C5orf34: variants seen among roughly 807,000 people sequenced by gnomAD.
C5orf34 encodes uncharacterized protein C5orf34.
In C5orf34, 73 loss-of-function variants were observed where a neutral mutation model predicts 78.4. That is an observed-to-expected ratio of 0.93 (90% CI 0.77 to 1.13). C5orf34 has a LOEUF of 1.13. Ranked by LOEUF, C5orf34 falls within the 50% of genes most tolerant of loss-of-function variation. C5orf34 has a pLI of 0.00. For missense variants in C5orf34, 730 were observed against 732.7 expected (o/e 1.00, Z 0.04); for synonymous variants, 251 against 246.6 (o/e 1.02, Z -0.17).
intron 3 of C5orf34, among the ~76,000 whole-genome samples, chr5:43,507,464 C>T (rs1368181583): frequency 4.6e-5 from 7 of 152,182 alleles, no homozygotes; most frequent in African/African-American, 1.7e-4. Flanking sequence ...TAGAATTAGA[C>T]TATCTAATAA....
intron 6 of C5orf34, among the ~76,000 whole-genome samples, chr5:43,499,265 A>T (rs1745663930): frequency 6.6e-6 from 1 of 152,188 alleles, no homozygotes; most frequent in Non-Finnish European, 1.5e-5. Flanking sequence ...TTGTTCCCTT[A>T]GCTATATGCT....
At chr5:43,503,060 T>G (rs1254947939) in intron 5 of C5orf34, among the ~76,000 whole-genome samples, 1 of 152,210 alleles carries the variant, frequency 6.6e-6, no homozygotes, top group Non-Finnish European at 1.5e-5. Flanking sequence ...GGAATAGGTC[T>G]TCACATAGGA....
At chr5:43,496,997 G>A (rs1745557145) in intron 6 of C5orf34, among the ~76,000 whole-genome samples, 1 of 151,846 alleles carries the variant, frequency 6.6e-6, no homozygotes, top group Admixed American at 6.6e-5. Flanking sequence ...TTTCCCTTAA[G>A]ACAAAAAGAC....
chr5:43,494,618 A>T lies in C5orf34; in HGVS notation c.1153-17T>A. On this transcript the variant is annotated splice_polypyrimidine_tract_variant and intron_variant, in intron 6 of 12. Coordinates refer to ENST00000306862, the MANE Select transcript of C5orf34 (RefSeq NM_198566.4). ...CTCTTCTCTCTGAAAATTAGTTAAA[A>T]TGAAAAATTTCATTAATAATAAATT... is the stretch of plus-strand genomic sequence containing the variant. 1 of 1,510,494 alleles carries T rather than the reference A, an allele frequency of 6.6e-7. No individual in the cohort carries two copies. Among genetic ancestry groups the T allele is most frequent in the African/African-American group, 1.4e-5 (1 of 72,794 alleles). 93.6% of individuals were successfully genotyped at this position (1,510,494 alleles called of 1,614,324 possible).
chr5:43,498,856 A>G (rs1426223507), intron 6 of C5orf34, among the ~76,000 whole-genome samples: 1 of 152,162 alleles, frequency 6.6e-6, no homozygotes, highest in East Asian at 1.9e-4. Flanking sequence ...TGGCCATCTT[A>G]GTGATCTGGC....
At chr5:43,500,050 A>C (rs13190614) in intron 6 of C5orf34, among the ~76,000 whole-genome samples, 2,098 of 152,296 alleles carry the variant, frequency 0.014, 58 homozygotes, top group East Asian at 0.13. Flanking sequence ...AAGAAAGCCA[A>C]ACCAATTAAC....
intron 1 of C5orf34, among the ~76,000 whole-genome samples, chr5:43,511,833 T>C (rs1019747682): frequency 6.6e-6 from 1 of 152,254 alleles, no homozygotes; most frequent in East Asian, 1.9e-4. Context: ...GAAGGCAGCA[T>C]GCTCGTTAAG....
chr5:43,496,553 TACTC>T (rs1745535777), intron 6 of C5orf34: 3 of 923,272 alleles, frequency 3.2e-6, no homozygotes, highest in African/African-American at 3.4e-5. Flanking sequence ...AATATAGAAT[TACTC>T]CTATTCATTC....
intron 1 of C5orf34, among the ~76,000 whole-genome samples, chr5:43,512,567 A>G (rs911256736): frequency 2.6e-5 from 4 of 152,114 alleles, no homozygotes; most frequent in African/African-American, 9.7e-5. Flanking sequence ...CCCTTGCACC[A>G]AACTCTCTTT....
intron 1 of C5orf34, among the ~76,000 whole-genome samples, chr5:43,512,495 C>T (rs1746310783): frequency 6.6e-6 from 1 of 152,178 alleles, no homozygotes; most frequent in African/African-American, 2.4e-5. Flanking sequence ...TCTTCTTATA[C>T]CCAATGACTT....
At chr5:43,496,395 C>A (rs1405155203) in intron 6 of C5orf34, 1 of 1,595,936 alleles carries the variant, frequency 6.3e-7, no homozygotes, top group East Asian at 2.2e-5. Context: ...TAGTGGTGGA[C>A]TTGCCCGAAT....
chr5:43,496,040 G>C, intron 6 of C5orf34: 3 of 1,589,562 alleles, frequency 1.9e-6, no homozygotes, highest in Non-Finnish European at 2.6e-6. Flanking sequence ...CAGTGTGTAA[G>C]CCAGAAGGGC....
chr5:43,505,491 G>A, intron 4 of C5orf34: 1 of 390,902 alleles, frequency 2.6e-6, no homozygotes, highest in Non-Finnish European at 4.5e-6. Flanking sequence ...AGCAGGGACT[G>A]TGTCTTAGTC....
chr5:43,508,530 T>G lies in C5orf34; in HGVS notation c.285+47A>C, dbSNP rs1227344963. The G allele has an allele frequency of 3.7e-6, 4 of 1,095,374 alleles. No individual in the cohort carries two copies. In the East Asian group the frequency reaches 9.4e-5, roughly 26 times the overall value. The allele number at this position is 1,095,374 out of a possible 1,614,324, so 67.9% of individuals were successfully genotyped here. ...AAATATTAAATTACCTGTTTCTAGT[T>G]ACTTGTCCTCAAATAATACTAACAA... On this transcript the variant is annotated intron_variant, in intron 3 of 12. Coordinates refer to ENST00000306862, the MANE Select transcript of C5orf34 (RefSeq NM_198566.4).
chr5:43,514,671 C>T (rs987615667), intron 1 of C5orf34, 135 bp downstream of exon 1: 3 of 152,138 alleles, frequency 2.0e-5, no homozygotes, highest in African/African-American at 7.2e-5. Flanking sequence ...CACATTACGT[C>T]AGGGTATGTT....
intron 6 of C5orf34, among the ~76,000 whole-genome samples, chr5:43,497,946 T>G (rs34991197): frequency 0.014 from 2,097 of 152,314 alleles, 59 homozygotes; most frequent in East Asian, 0.13. Context: ...AGTTCCCTCC[T>G]CCAGCACCTC....
chr5:43,506,318 C>T lies in C5orf34; in HGVS notation c.362G>A (p.Gly121Asp), dbSNP rs75398047. 843 of 1,613,986 alleles carry T rather than the reference C, an allele frequency of 5.2e-4. 8 individuals carry two copies. In the African/African-American group the frequency reaches 0.01, roughly 20 times the overall value. Reference sequence around the variant, plus strand: ...ATCTAAAGATGTTATCTTCACAATGCCACTCTCCATATATATCATGGTACC... The same window carrying T: ...ATCTAAAGATGTTATCTTCACAATGTCACTCTCCATATATATCATGGTACC... ...TDGTMIYMESGIVKITSLDGH... is the reference protein window; with the variant it reads ...TDGTMIYMESDIVKITSLDGH... Residue 121 changes from glycine (G) to aspartate (D), a missense_variant, in exon 4 of 13, where the codon GGC (glycine) becomes GAC (aspartate). By Grantham distance (94) the Gly-to-Asp change is moderately conservative. Transcript: ENST00000306862.
At chr5:43,507,030 G>T (rs986955779) in intron 3 of C5orf34, among the ~76,000 whole-genome samples, 1 of 152,126 alleles carries the variant, frequency 6.6e-6, no homozygotes, top group African/African-American at 2.4e-5. Flanking sequence ...GTCTTGCAGG[G>T]TTATCACATG....
intron 4 of C5orf34, among the ~76,000 whole-genome samples, chr5:43,504,714 T>C (rs1415954172): frequency 6.6e-6 from 1 of 152,078 alleles, no homozygotes; most frequent in Non-Finnish European, 1.5e-5. Flanking sequence ...ATTACAGATA[T>C]AGGAAGGGAC....
Sources: gnomAD v4.1 joint callset for allele counts (sites outside exome capture counted in the v4.1 genomes callset) on GRCh38, gnomAD v4.1.1 for gene constraint, MANE v1.5 for transcripts, NCBI Gene and HGNC (gene_info 2026-07-23, HGNC 2026-07-21) for gene names.